ATF7IP: variants seen among roughly 807,000 people sequenced by gnomAD.
ATF7IP encodes activating transcription factor 7-interacting protein 1.
Under a neutral mutation model 106.4 loss-of-function variants are expected in ATF7IP, and 23 were observed. The ratio of observed to expected loss-of-function variants is 0.22; its 90% CI spans 0.16 to 0.31. The LOEUF (loss-of-function observed/expected upper bound fraction) is 0.31. ATF7IP is among the 10% of genes least tolerant of loss of function. The probability of loss-of-function intolerance (pLI) is 1.00; values close to 1 mark genes in which losing one functional copy is unlikely to be tolerated. For missense variants in ATF7IP, 1,334 were observed against 1,524.3 expected, an observed-to-expected ratio of 0.88 and a Z score of 2.08; for synonymous variants, 542 against 539.0, an observed-to-expected ratio of 1.01 and a Z score of -0.08.
At chr12:14,449,578 C>T (rs1943117235) in intron 6 of ATF7IP, among the ~76,000 whole-genome samples, 1 of 108,624 alleles carries the variant, frequency 9.2e-6, no homozygotes, top group Non-Finnish European at 1.7e-5. Flanking sequence ...ACCCCCCGCC[C>T]CCTTGGCTAA....
At chr12:14,476,435 A>C (rs997744256) in intron 11 of ATF7IP, 1 of 128,144 alleles carries the variant, frequency 7.8e-6, no homozygotes, top group Non-Finnish European at 1.7e-5. Context: ...AAAAAAAAAA[A>C]GGATAGAATC....
rs1436987924 is a variant in ATF7IP, at chr12:14,456,520, G to A, written c.1996-41G>A. On this transcript the variant is annotated intron_variant, in intron 6 of 14. Coordinates refer to ENST00000261168, the MANE Select transcript of ATF7IP (RefSeq NM_018179.5). ...ATTTTTTTTTAAAGATTCCCTGTGT[G>A]TTGAGTTTTATTTTTACCTTGATTT... is the stretch of plus-strand genomic sequence containing the variant. The A allele has an allele frequency of 2.1e-6, 3 of 1,438,816 alleles. No individual in the cohort carries two copies. In the African/African-American group the frequency reaches 4.2e-5, roughly 20 times the overall value. 89.1% of individuals were successfully genotyped at this position (1,438,816 alleles called of 1,614,324 possible).
intron 1 of ATF7IP, among the ~76,000 whole-genome samples, chr12:14,375,597 A>T (rs955502722): frequency 1.3e-5 from 2 of 152,230 alleles, no homozygotes; most frequent in African/African-American, 4.8e-5. Context: ...ATTTTCCTAA[A>T]ATCAGTTAGT....
rs897235327 is a variant in ATF7IP, at chr12:14,373,491, C to G, written c.-8+7664C>G. ...TTTTGAGAGCATGATATGGAAGTGG[C>G]ACATAGCACTTTGACTCATGGTTTA... On this transcript the variant is annotated intron_variant, in intron 1 of 14. Coordinates refer to ENST00000261168, the MANE Select transcript of ATF7IP (RefSeq NM_018179.5). Among the ~76,000 whole-genome samples, 4 of 152,208 alleles carry G rather than the reference C, an allele frequency of 2.6e-5. No individual in the cohort carries two copies. The East Asian group carries it at 7.7e-4, about 29-fold the overall frequency.
intron 1 of ATF7IP, among the ~76,000 whole-genome samples, chr12:14,376,948 T>G (rs149931346): frequency 6.6e-6 from 1 of 151,314 alleles, no homozygotes; most frequent in African/African-American, 2.4e-5. Context: ...AAAGATGCAA[T>G]TTTTGTTCCC....
intron 6 of ATF7IP, among the ~76,000 whole-genome samples, chr12:14,455,305 T>G (rs914063679): frequency 6.6e-6 from 1 of 152,246 alleles, no homozygotes; most frequent in Non-Finnish European, 1.5e-5. Context: ...GCTTTTCTCT[T>G]GTTTTACATT....
Position 14,365,726 on chromosome 12 carries a change from G to A in ATF7IP, c.-109G>A, listed in dbSNP as rs545401698. 3.2e-5 allele frequency: 5 copies of A among 156,778 alleles called. No homozygotes were observed. The South Asian group carries it at 8.3e-4, about 26-fold the overall frequency. The allele number at this position is 156,778 out of a possible 1,614,324, so 9.7% of individuals were successfully genotyped here. ...CGGTGGCAGCGGCGGCGCGGCGACT[G>A]AAGCGCGCGAAAAGCTGAGGCGGCA... On this transcript the variant is annotated 5_prime_UTR_variant, in exon 1 of 15. Coordinates refer to ENST00000261168, the MANE Select transcript of ATF7IP (RefSeq NM_018179.5).
Position 14,498,122 on chromosome 12 carries a change from C to A in ATF7IP, c.*49C>A. ...TCTTTTAAAATTTCCACCTTTTGGT[C>A]TTGTTTTTAATCTTGTGCATGATAC... On this transcript the variant is annotated 3_prime_UTR_variant, in exon 15 of 15. Transcript: ENST00000261168. 1.3e-6 allele frequency: 2 copies of A among 1,501,742 alleles called. No homozygotes were observed. The highest frequency in any genetic ancestry group is 1.3e-5 in the South Asian group (1 of 74,750). 93.0% of individuals were successfully genotyped at this position (1,501,742 alleles called of 1,614,324 possible). A position where few individuals can be genotyped will look rare whatever the true frequency, so the allele number is the denominator to read the frequency against.
At chr12:14,480,971 T>C in intron 12 of ATF7IP, 32 bp from the exon 13 acceptor site, 1 of 1,599,160 alleles carries the variant, frequency 6.3e-7, no homozygotes, top group Non-Finnish European at 8.5e-7. Flanking sequence ...GAATTTACTG[T>C]ATTCTTAATA....
intron 1 of ATF7IP, among the ~76,000 whole-genome samples, chr12:14,396,195 A>G (rs185822285): frequency 5.9e-4 from 89 of 151,998 alleles, no homozygotes; most frequent in Non-Finnish European, 9.6e-4. Flanking sequence ...GAAAGGAATT[A>G]CGTCAGGCAG....
chr12:14,396,203 C>T (rs1471472243), intron 1 of ATF7IP, among the ~76,000 whole-genome samples: 2 of 151,948 alleles, frequency 1.3e-5, no homozygotes, highest in African/African-American at 4.8e-5. Flanking sequence ...TTACGTCAGG[C>T]AGCTCTCTGC....
rs186716149 is a variant in ATF7IP, at chr12:14,415,197, A to G, written c.-7-8712A>G. Among the ~76,000 whole-genome samples, 415 of 152,172 alleles carry G rather than the reference A, an allele frequency of 2.7e-3. 2 individuals carry two copies. Among genetic ancestry groups the G allele is most frequent in the Non-Finnish European group, 4.9e-3 (330 of 67,986 alleles). On this transcript the variant is annotated intron_variant, in intron 1 of 14. Coordinates refer to ENST00000261168, the MANE Select transcript of ATF7IP (RefSeq NM_018179.5). Reference sequence around the variant, plus strand: ...TAGGGCCTTGATGGAAAATTGGCCAATTTTCTAAGGGGGTGTAATTTGCTC... The same window carrying G: ...TAGGGCCTTGATGGAAAATTGGCCAGTTTTCTAAGGGGGTGTAATTTGCTC...
intron 1 of ATF7IP, chr12:14,394,996 T>TGGCTTTTGTG (rs1939759673): frequency 6.6e-6 from 1 of 152,282 alleles, no homozygotes; most frequent in African/African-American, 2.4e-5. Context: ...TGACGTTTTT[T>TGGCTTTTGTG]GGCTTTTGTG....
chr12:14,500,859 T>G lies in ATF7IP; in HGVS notation c.*2786T>G, dbSNP rs1945142606. 1 of 152,194 alleles carries G rather than the reference T, an allele frequency of 6.6e-6. No homozygotes were observed. Among genetic ancestry groups the G allele is most frequent in the South Asian group, 2.1e-4 (1 of 4,834 alleles). 9.4% of individuals were successfully genotyped at this position (152,194 alleles called of 1,614,324 possible). A position where few individuals can be genotyped will look rare whatever the true frequency, so the allele number is the denominator to read the frequency against. ...AAAACAAATTCTCAAATAGGAATTC[T>G]AAAAATATTTACTAAAGTAAAATAA... On this transcript the variant is annotated 3_prime_UTR_variant, in exon 15 of 15. Transcript: ENST00000261168.
Position 14,464,225 on chromosome 12 carries a change from C to T in ATF7IP, c.2798-2301C>T, listed in dbSNP as rs150761967. On this transcript the variant is annotated intron_variant, in intron 9 of 14. Coordinates refer to ENST00000261168, the MANE Select transcript of ATF7IP (RefSeq NM_018179.5). ...TACCCAGGAGGCCGAAGCAGGAGGCCGAAGCAGGAGGATTGCTTGAACCCA... is the reference window on the plus strand; with the variant it reads ...TACCCAGGAGGCCGAAGCAGGAGGCTGAAGCAGGAGGATTGCTTGAACCCA... 8.6e-5 allele frequency among the ~76,000 whole-genome samples: 13 copies of T among 152,040 alleles called. No homozygotes were observed. In the South Asian group the frequency reaches 1.7e-3, roughly 19 times the overall value.
rs369237380 is a variant in ATF7IP at position 14,481,008 on chromosome 12, A to G, written c.3103A>G (p.Thr1035Ala). The G allele has an allele frequency of 5.7e-5, 92 of 1,613,570 alleles. No homozygotes were observed. Among genetic ancestry groups the G allele is most frequent in the African/African-American group, 2.7e-5 (2 of 74,890 alleles). The change falls in exon 13 of 15, where the codon ACT becomes GCT. Residue 1035 changes from threonine to alanine, a missense_variant. This residue lies in a region of ATF7IP where 370 missense variants were observed against 401.2 expected (regional missense o/e 0.92). Coordinates refer to ENST00000261168, the MANE Select transcript of ATF7IP (RefSeq NM_018179.5). Reference sequence around the variant, plus strand: ...CTTTTTCTGCCTTGCATTAGCTCCAACTACCGTGAATGTAACACATCGTCC... The same window carrying G: ...CTTTTTCTGCCTTGCATTAGCTCCAGCTACCGTGAATGTAACACATCGTCC... ...TTIHLLPTAP[T>A]TVNVTHRPVT... is the part of the protein sequence containing the mutation.
At chr12:14,451,691 G>A (rs902860289) in intron 6 of ATF7IP, among the ~76,000 whole-genome samples, 5 of 150,716 alleles carry the variant, frequency 3.3e-5, no homozygotes, top group African/African-American at 9.8e-5. Context: ...TGCTGTTGAC[G>A]TCAAGTTTCA....
chr12:14,455,266 G>A (rs1591900928), intron 6 of ATF7IP, among the ~76,000 whole-genome samples: 1 of 148,048 alleles, frequency 6.8e-6, no homozygotes, highest in Non-Finnish European at 1.5e-5. Context: ...TAAGCTTTTT[G>A]CATTCGCCTT....
intron 1 of ATF7IP, among the ~76,000 whole-genome samples, chr12:14,422,312 T>TACACACACACAC (rs59503201): frequency 4.2e-5 from 6 of 142,336 alleles, no homozygotes; most frequent in Admixed American, 1.4e-4. Flanking sequence ...AAAAAGAGAA[T>TACACACACACAC]ACACACACAC....
Sources: gnomAD v4.1 joint callset for allele counts (sites outside exome capture counted in the v4.1 genomes callset) on GRCh38, gnomAD v4.1.1 for gene constraint, gnomAD v4.1.1 regional missense constraint, MANE v1.5 for transcripts, NCBI Gene and HGNC (gene_info 2026-07-23, HGNC 2026-07-21) for gene names.